LRRC37A2: variants seen among roughly 807,000 people sequenced by gnomAD.
The protein encoded by LRRC37A2 is leucine-rich repeat-containing protein 37A2.
A neutral mutation model predicts 68.8 loss-of-function variants in LRRC37A2; 9 were observed. The observed-to-expected ratio is 0.13, with a 90% CI of 0.08 to 0.23. The LOEUF (loss-of-function observed/expected upper bound fraction) is 0.23, where lower values mean the gene tolerates loss of function less well. Ranked by LOEUF, LRRC37A2 falls within the 10% of genes least tolerant of loss-of-function variation. LRRC37A2 has a pLI of 1.00. For synonymous variants in LRRC37A2, 63 were observed against 367.6 expected (o/e 0.17, Z 9.48); for missense variants, 168 against 950.4 (o/e 0.18, Z 10.82).
At chr17:47,028,406 C>A in the LRRC37A2 span, 9 of 1,173,898 alleles carry the variant, frequency 7.7e-6, no homozygotes, top group African/African-American at 4.6e-5. Context: ...TATTTATCTA[C>A]AAAAACTCAT....
At chr17:46,736,679 T>G in the LRRC37A2 span, among the ~76,000 whole-genome samples, 1 of 152,248 alleles carries the variant, frequency 6.6e-6, no homozygotes, top group African/African-American at 2.4e-5. Context: ...AAAAATTCCT[T>G]AATTCCATTG....
the LRRC37A2 span, among the ~76,000 whole-genome samples, chr17:47,026,620 G>C: frequency 1.3e-5 from 2 of 152,148 alleles, no homozygotes; most frequent in African/African-American, 4.8e-5. Context: ...ACATCAGCCA[G>C]ACAACGTTAC....
the LRRC37A2 span, among the ~76,000 whole-genome samples, chr17:46,806,356 C>T: frequency 3.3e-5 from 5 of 151,852 alleles, no homozygotes; most frequent in African/African-American, 4.8e-5. Context: ...ATTACAGGCA[C>T]GTGCCACCAC....
At chr17:46,568,875 C>T in the LRRC37A2 span, among the ~76,000 whole-genome samples, 5 of 126,142 alleles carry the variant, frequency 4.0e-5, no homozygotes, top group Non-Finnish European at 8.2e-5. Flanking sequence ...ATGCACTGTG[C>T]GAACTCTGAT....
chr17:46,967,238 G>T, the LRRC37A2 span, among the ~76,000 whole-genome samples: 2 of 152,232 alleles, frequency 1.3e-5, no homozygotes, highest in Non-Finnish European at 2.9e-5. Context: ...CAGTCTGCCT[G>T]GGTTTGGATC....
chr17:46,896,407 A>AAAGG, the LRRC37A2 span, among the ~76,000 whole-genome samples: 1 of 75,266 alleles, frequency 1.3e-5, no homozygotes, highest in Non-Finnish European at 2.2e-5. Flanking sequence ...AGAAAGAAAG[A>AAAGG]AAGAAAGAAA....
the LRRC37A2 span, among the ~76,000 whole-genome samples, chr17:46,942,365 T>C: frequency 0.45 from 68,333 of 152,110 alleles, 15,621 homozygotes; most frequent in East Asian, 0.55. Context: ...CTCTCACTTA[T>C]GTTCTCCATC....
chr17:46,858,465 TTTTTATTTTA>T, the LRRC37A2 span, among the ~76,000 whole-genome samples: 220 of 151,292 alleles, frequency 1.5e-3, 1 homozygote, highest in African/African-American at 2.7e-3. Flanking sequence ...CGTTTTCTCC[TTTTTATTTTA>T]TTTTATTTTA....
chr17:46,558,925 G>A (rs1257492463), downstream of LRRC37A2: 8 of 94,658 alleles, frequency 8.5e-5, no homozygotes, highest in Middle Eastern at 6.3e-3. Flanking sequence ...TGATCCTCCC[G>A]CCTTGGTCTC....
the LRRC37A2 span, among the ~76,000 whole-genome samples, chr17:46,733,102 T>G: frequency 6.6e-6 from 1 of 152,226 alleles, no homozygotes. Context: ...GTGAGAGGCT[T>G]GAAGACACCC....
At chr17:46,777,834 T>C in the LRRC37A2 span, among the ~76,000 whole-genome samples, 1 of 152,206 alleles carries the variant, frequency 6.6e-6, no homozygotes, top group South Asian at 2.1e-4. Flanking sequence ...TGTGATGTCC[T>C]CTGAGAACAA....
chr17:46,549,025 A>T lies in LRRC37A2; in HGVS notation c.3886A>T (p.Lys1296Ter). ...TAGAGTTACAAATACGAAGACGTCT[A>T]AACCAATCGTACATGCCAGAAAAAA... The change falls in exon 10 of 15, where the codon AAA (lysine) becomes TAA (stop). Residue 1296 changes from lysine to a stop codon, truncating the protein, a stop_gained. Coordinates refer to ENST00000576629, the Ensembl canonical transcript of LRRC37A2. LOFTEE classifies it high-confidence loss of function. The T allele has an allele frequency of 6.2e-7, 1 of 1,612,376 alleles. No individual in the cohort carries two copies.
chr17:46,588,907 G>A, the LRRC37A2 span, among the ~76,000 whole-genome samples: 1 of 122,228 alleles, frequency 8.2e-6, no homozygotes, highest in Non-Finnish European at 1.5e-5. Flanking sequence ...TTAGCTGGGT[G>A]TGGTGGCAGG....
the LRRC37A2 span, among the ~76,000 whole-genome samples, chr17:46,954,913 T>A: frequency 8.6e-3 from 1,309 of 152,320 alleles, 9 homozygotes; most frequent in Non-Finnish European, 0.014. Context: ...TTAAAGAGAT[T>A]TTGGGCTGAG....
the LRRC37A2 span, chr17:46,851,766 C>A: frequency 1.0e-6 from 1 of 992,050 alleles, no homozygotes; most frequent in Non-Finnish European, 1.3e-6. This position sits in a 1 kb window ranked among gnomAD's most constrained non-coding sequence, Gnocchi z 4.3. Context: ...CTGTCTCTCC[C>A]TCCTGCGCTA....
At chr17:46,714,338 A>T in the LRRC37A2 span, among the ~76,000 whole-genome samples, 3 of 152,216 alleles carry the variant, frequency 2.0e-5, no homozygotes, top group Non-Finnish European at 2.9e-5. Flanking sequence ...TTATTGTACA[A>T]AGTTGAACTC....
At chr17:46,985,792 A>G in the LRRC37A2 span, among the ~76,000 whole-genome samples, 1 of 152,340 alleles carries the variant, frequency 6.6e-6, no homozygotes, top group African/African-American at 2.4e-5. Flanking sequence ...TGGGAGCTTA[A>G]TCAGAATACC....
the LRRC37A2 span, chr17:46,929,508 T>C: frequency 6.8e-6 from 10 of 1,469,268 alleles, no homozygotes; most frequent in Non-Finnish European, 9.5e-6. Context: ...TTCCTCCCTC[T>C]TCCTTTGATA....
At chr17:46,941,519 C>T in the LRRC37A2 span, 1 of 508,264 alleles carries the variant, frequency 2.0e-6, no homozygotes, top group African/African-American at 2.1e-5. Context: ...ATTACATATT[C>T]CTGGGGCCTA....
Sources: allele counts gnomAD v4.1 joint callset (sites outside exome capture counted in the v4.1 genomes callset), GRCh38; gene constraint gnomAD v4.1.1; non-coding constraint Gnocchi (gnomAD v3.1); transcripts MANE v1.5; gene names NCBI Gene and HGNC (gene_info 2026-07-23, HGNC 2026-07-21).